Variants in LRRC4C observed in about 807,000 individuals in gnomAD.
The protein encoded by LRRC4C is leucine rich repeat containing 4C.
Under a neutral mutation model 33.6 loss-of-function variants are expected in LRRC4C, and 5 were observed. The observed-to-expected ratio is 0.15, with a 90% CI of 0.08 to 0.31. The LOEUF (loss-of-function observed/expected upper bound fraction) is 0.31. Among genes scored for constraint, LRRC4C ranks in the 10% least tolerant of loss-of-function variants. The pLI is 1.00. For synonymous variants in LRRC4C, 329 were observed against 302.0 expected (o/e 1.09, Z -0.93); for missense variants, 560 against 796.7 (o/e 0.70, Z 3.58).
intron 2 of LRRC4C, among the ~76,000 whole-genome samples, chr11:40,929,256 C>A (rs1290819999): frequency 6.6e-6 from 1 of 152,116 alleles, no homozygotes; most frequent in African/African-American, 2.4e-5. Context: ...CCACATTAAT[C>A]CCATACTTCT....
intron 2 of LRRC4C, among the ~76,000 whole-genome samples, chr11:40,741,117 ATAAGG>A (rs1342146754): frequency 1.3e-5 from 2 of 152,098 alleles, no homozygotes; most frequent in African/African-American, 4.8e-5. Context: ...GGCTGATAAA[ATAAGG>A]TAAGGAAAAA....
At chr11:40,119,248 G>A (rs1855653188) in intron 6 of LRRC4C, among the ~76,000 whole-genome samples, 1 of 152,308 alleles carries the variant, frequency 6.6e-6, no homozygotes, top group Non-Finnish European at 1.5e-5. Context: ...TGTAAGGAAC[G>A]TTGGTCTTAA....
chr11:40,760,887 A>ATATATAAATAT (rs1454193942), intron 2 of LRRC4C, among the ~76,000 whole-genome samples: 1 of 146,646 alleles, frequency 6.8e-6, no homozygotes, highest in Non-Finnish European at 1.5e-5. Context: ...TATAATATAT[A>ATATATAAATAT]TATATAAATA....
intron 2 of LRRC4C, among the ~76,000 whole-genome samples, chr11:40,660,055 G>A (rs983078537): frequency 2.0e-5 from 3 of 152,208 alleles, no homozygotes; most frequent in Non-Finnish European, 4.4e-5. Flanking sequence ...AGTTCCTTGT[G>A]TTTCCAAGCT....
intron 3 of LRRC4C, among the ~76,000 whole-genome samples, chr11:40,620,284 A>G (rs1962323827): frequency 6.6e-6 from 1 of 151,706 alleles, no homozygotes; most frequent in Non-Finnish European, 1.5e-5. Flanking sequence ...GGACTAGAAT[A>G]AAGAAAAAAA....
At chr11:40,415,037 T>C (rs557041310) in intron 3 of LRRC4C, among the ~76,000 whole-genome samples, 1 of 152,314 alleles carries the variant, frequency 6.6e-6, no homozygotes, top group Admixed American at 6.5e-5. Flanking sequence ...AAACTCCTAG[T>C]CTGCCCAGCC....
intron 1 of LRRC4C, among the ~76,000 whole-genome samples, chr11:41,033,477 C>T (rs781148780): frequency 2.0e-5 from 3 of 152,016 alleles, no homozygotes; most frequent in South Asian, 2.1e-4. Flanking sequence ...CCACTTATCC[C>T]GTGATGCTCC....
At chr11:40,916,544 T>C (rs1016642211) in intron 2 of LRRC4C, among the ~76,000 whole-genome samples, 5 of 151,840 alleles carry the variant, frequency 3.3e-5, no homozygotes, top group Admixed American at 6.6e-5. Flanking sequence ...GCGGGGCCTG[T>C]TGTGGGGTGG....
chr11:40,642,809 A>G (rs1335539015), intron 3 of LRRC4C, among the ~76,000 whole-genome samples: 1 of 152,190 alleles, frequency 6.6e-6, no homozygotes, highest in East Asian at 1.9e-4. Flanking sequence ...TAAACTTAGT[A>G]GAGTTATTTT....
intron 1 of LRRC4C, among the ~76,000 whole-genome samples, chr11:40,952,894 A>ACTCT (rs1225735080): frequency 2.7e-4 from 14 of 51,014 alleles, no homozygotes; most frequent in African/African-American, 7.0e-4. Context: ...ACACACACAC[A>ACTCT]CACTCTCTCT....
At chr11:41,111,771 G>C (rs1336621807) in intron 1 of LRRC4C, among the ~76,000 whole-genome samples, 1 of 151,944 alleles carries the variant, frequency 6.6e-6, no homozygotes, top group Non-Finnish European at 1.5e-5. Flanking sequence ...ACCTTTCCCT[G>C]TCTAGATTTT....
intron 1 of LRRC4C, among the ~76,000 whole-genome samples, chr11:41,296,965 T>C (rs760675075): frequency 2.6e-5 from 4 of 152,214 alleles, no homozygotes; most frequent in Non-Finnish European, 4.4e-5. Context: ...TTACCGGATC[T>C]TAATGGAAAA....
intron 3 of LRRC4C, among the ~76,000 whole-genome samples, chr11:40,468,051 G>A (rs1952739593): frequency 6.6e-6 from 1 of 152,080 alleles, no homozygotes; most frequent in African/African-American, 2.4e-5. Context: ...TGGAGCTTGG[G>A]TTTAATAGGC....
intron 3 of LRRC4C, among the ~76,000 whole-genome samples, chr11:40,552,144 A>G (rs923149690): frequency 5.3e-5 from 8 of 152,344 alleles, no homozygotes; most frequent in East Asian, 1.9e-4. Flanking sequence ...CCACAAACAC[A>G]TAAGTCAATT....
chr11:41,195,528 C>A (rs537960858), intron 1 of LRRC4C, among the ~76,000 whole-genome samples: 2 of 152,006 alleles, frequency 1.3e-5, no homozygotes, highest in Non-Finnish European at 2.9e-5. Context: ...CTTTAGTAAG[C>A]TTCTCATCAT....
At chr11:41,117,085 G>A (rs1942171841) in intron 1 of LRRC4C, among the ~76,000 whole-genome samples, 1 of 152,106 alleles carries the variant, frequency 6.6e-6, no homozygotes, top group Non-Finnish European at 1.5e-5. Context: ...GTGTTAGCCT[G>A]CTGGAGAATG....
chr11:40,911,010 C>T (rs924875681), intron 2 of LRRC4C, among the ~76,000 whole-genome samples: 2 of 152,216 alleles, frequency 1.3e-5, no homozygotes, highest in Non-Finnish European at 2.9e-5. Context: ...GGGGCGCCTG[C>T]CATTGCCGAG....
At chr11:40,311,943 C>T (rs1479042285) in intron 4 of LRRC4C, among the ~76,000 whole-genome samples, 5 of 61,992 alleles carry the variant, frequency 8.1e-5, no homozygotes, top group Admixed American at 5.2e-4. Context: ...GACTCTGTCT[C>T]AAAAAAAAAA....
chr11:40,217,506 T>C (rs1864062328), intron 5 of LRRC4C, among the ~76,000 whole-genome samples: 1 of 152,100 alleles, frequency 6.6e-6, no homozygotes, highest in South Asian at 2.1e-4. Flanking sequence ...TATATTTAGA[T>C]ACATTTCTGC....
Sources: gnomAD v4.1 joint callset for allele counts (sites outside exome capture counted in the v4.1 genomes callset) on GRCh38, gnomAD v4.1.1 for gene constraint, MANE v1.5 for transcripts, NCBI Gene and HGNC (gene_info 2026-07-23, HGNC 2026-07-21) for gene names.